The following WWC1 variants were observed in gnomAD, a reference collection of about 807,000 sequenced individuals.
WWC1 encodes WW and C2 domain containing 1, also known as protein KIBRA.
A neutral mutation model predicts 138.4 loss-of-function variants in WWC1; 55 were observed. The observed-to-expected ratio is 0.40, with a 90% CI of 0.32 to 0.50. WWC1 has a LOEUF of 0.50. WWC1 is among the 20% of genes least tolerant of loss of function. The probability of loss-of-function intolerance (pLI) is 0.72; values close to 1 mark genes in which losing one functional copy is unlikely to be tolerated. For synonymous variants in WWC1, 524 were observed against 564.9 expected, an observed-to-expected ratio of 0.93 and a Z score of 1.03; for missense variants, 1,226 against 1,420.4, an observed-to-expected ratio of 0.86 and a Z score of 2.20.
intron 9 of WWC1, among the ~76,000 whole-genome samples, chr5:168,421,146 C>G (rs556409693): frequency 1.4e-4 from 22 of 152,338 alleles, no homozygotes; most frequent in Non-Finnish European, 3.1e-4. Flanking sequence ...AACTCAGGCT[C>G]TTTCCATCTG....
intron 17 of WWC1, among the ~76,000 whole-genome samples, chr5:168,447,112 G>A (rs1336120665): frequency 2.6e-5 from 4 of 152,110 alleles, no homozygotes; most frequent in African/African-American, 7.2e-5. Context: ...CCGTCTCCTC[G>A]TCTGTGAAAT....
intron 1 of WWC1, among the ~76,000 whole-genome samples, chr5:168,322,755 T>C (rs1772218354): frequency 6.6e-6 from 1 of 152,210 alleles, no homozygotes; most frequent in Non-Finnish European, 1.5e-5. Flanking sequence ...TGCCACATTG[T>C]CATCAGGGAC....
intron 21 of WWC1, 156 bp from the exon 22 acceptor site, chr5:168,467,684 C>A: frequency 1.9e-6 from 2 of 1,075,724 alleles, no homozygotes; most frequent in Non-Finnish European, 1.3e-6. Flanking sequence ...ATGATTTGAG[C>A]ACTTCCCATT....
At chr5:168,465,423 C>T (rs1235077565) in intron 21 of WWC1, among the ~76,000 whole-genome samples, 2 of 151,514 alleles carry the variant, frequency 1.3e-5, no homozygotes, top group South Asian at 4.2e-4. Flanking sequence ...ACAAGGATGC[C>T]CTGGAGTACA....
chr5:168,397,704 T>C lies in WWC1; in HGVS notation c.434-20T>C, dbSNP rs1440395494. 1 of 1,613,494 alleles carries C rather than the reference T, an allele frequency of 6.2e-7. No homozygotes were observed. ...TCTGTTTCTTCTACTGATATTCTTG[T>C]TTTTCTTTTTTCCTTACAGTGGTCT... On this transcript the variant is annotated intron_variant, in intron 3 of 22. Coordinates refer to ENST00000265293, the MANE Select transcript of WWC1 (RefSeq NM_015238.3).
rs370464487 is a variant in WWC1 at position 168,294,419 on chromosome 5, C to CA, written c.119+2156dup. Among the ~76,000 whole-genome samples the CA allele has an allele frequency of 2.6e-3, 392 of 151,244 alleles. 2 individuals carry two copies. The highest frequency in any genetic ancestry group is 0.014 in the Middle Eastern group (4 of 290). On this transcript the variant is annotated intron_variant, in intron 1 of 22. Transcript: ENST00000265293. ...AGGGGAAACAAAAAAGATAGGCAAA[C>CA]AAAAAAAACAAAAAACCAGGGTTAG...
At chr5:168,399,390 G>T in intron 4 of WWC1, 98 bp from the exon 5 acceptor site, 2 of 1,240,110 alleles carry the variant, frequency 1.6e-6, no homozygotes, top group South Asian at 2.6e-5. Context: ...TTATGCAGGC[G>T]CAGTGGGAGG....
chr5:168,363,478 T>C (rs1419290814), intron 1 of WWC1, among the ~76,000 whole-genome samples: 1 of 122,170 alleles, frequency 8.2e-6, no homozygotes, highest in Non-Finnish European at 1.6e-5. Context: ...TGAGCTTAGA[T>C]CACGCCACTG....
At chr5:168,411,385 G>A (rs12188757) in intron 8 of WWC1, among the ~76,000 whole-genome samples, 1,588 of 152,318 alleles carry the variant, frequency 0.01, 13 homozygotes, top group Middle Eastern at 0.048. Context: ...AAGCATGGCA[G>A]TGCCCAGCTC....
rs191246281 is a variant in WWC1, at chr5:168,388,586, T to C, written c.433+3172T>C. ...GGCTCACACCTGTAATCCCAGCAAT[T>C]TGGGAGGCCGAGGTAGGTGGATCAA... On this transcript the variant is annotated intron_variant, in intron 3 of 22. Transcript: ENST00000265293. Among the ~76,000 whole-genome samples, 3 of 152,156 alleles carry C rather than the reference T, an allele frequency of 2.0e-5. No homozygotes were observed. The East Asian group carries it at 5.8e-4, about 29-fold the overall frequency.
chr5:168,390,701 G>A (rs1473592064), intron 3 of WWC1, among the ~76,000 whole-genome samples: 3 of 152,370 alleles, frequency 2.0e-5, no homozygotes, highest in Middle Eastern at 3.4e-3. Context: ...GCTTGCCAGG[G>A]CTTGTGAGGG....
At chr5:168,362,753 G>A (rs1293269552) in intron 1 of WWC1, among the ~76,000 whole-genome samples, 1 of 152,186 alleles carries the variant, frequency 6.6e-6, no homozygotes, top group African/African-American at 2.4e-5. Context: ...GACTCAAGAT[G>A]GAGGTGAAGG....
intron 13 of WWC1, among the ~76,000 whole-genome samples, chr5:168,428,997 T>C (rs184968160): frequency 2.6e-5 from 4 of 151,998 alleles, no homozygotes; most frequent in African/African-American, 9.7e-5. Flanking sequence ...AGAAATGAGG[T>C]TGGAGAAATG....
intron 3 of WWC1, among the ~76,000 whole-genome samples, chr5:168,394,342 T>G (rs564116009): frequency 1.3e-5 from 2 of 152,244 alleles, no homozygotes; most frequent in Non-Finnish European, 2.9e-5. Flanking sequence ...ACTGTTAAAC[T>G]GTGTTCATAT....
Position 168,292,042 on chromosome 5 carries a change from C to T in WWC1, c.-111C>T. On this transcript the variant is annotated 5_prime_UTR_variant, in exon 1 of 23. Transcript: ENST00000265293. This position sits in a 1 kb window ranked among gnomAD's most constrained non-coding sequence, Gnocchi z 4.4. ...GCCCCCCATCTGCGGGCGCCACCCC[C>T]CGGATCATGGTGCCTCGGCGGCCGC... The T allele has an allele frequency of 7.5e-7, 1 of 1,331,466 alleles. No individual in the cohort carries two copies. The highest frequency in any genetic ancestry group is 9.7e-7 in the Non-Finnish European group (1 of 1,034,296). The allele number at this position is 1,331,466 out of a possible 1,614,324, so 82.5% of individuals were successfully genotyped here. A position where few individuals can be genotyped will look rare whatever the true frequency, so the allele number is the denominator to read the frequency against.
intron 21 of WWC1, among the ~76,000 whole-genome samples, chr5:168,466,854 CTG>C (rs1232830009): frequency 1.3e-5 from 2 of 151,684 alleles, no homozygotes; most frequent in Non-Finnish European, 2.9e-5. Flanking sequence ...ATTCGAAAGA[CTG>C]AGAAGTAATA....
intron 1 of WWC1, among the ~76,000 whole-genome samples, chr5:168,366,138 AAATGGAC>A (rs1280744706): frequency 1.3e-5 from 2 of 152,210 alleles, no homozygotes; most frequent in Non-Finnish European, 2.9e-5. Context: ...TGGCTGGTTT[AAATGGAC>A]AATTCCTCTC....
At chr5:168,439,639 A>C (rs1038343290) in intron 15 of WWC1, among the ~76,000 whole-genome samples, 15 of 152,008 alleles carry the variant, frequency 9.9e-5, no homozygotes, top group African/African-American at 3.6e-4. Flanking sequence ...TCAAAAAAAA[A>C]AAAAAAAATC....
intron 20 of WWC1, 99 bp from the exon 21 acceptor site, chr5:168,464,630 A>T (rs1295218727): frequency 6.6e-7 from 1 of 1,514,862 alleles, no homozygotes; most frequent in African/African-American, 1.4e-5. Flanking sequence ...GAAGGAGTGG[A>T]TGCCTACAAG....
Sources: allele counts gnomAD v4.1 joint callset (sites outside exome capture counted in the v4.1 genomes callset), GRCh38; gene constraint gnomAD v4.1.1; non-coding constraint Gnocchi (gnomAD v3.1); transcripts MANE v1.5; gene names NCBI Gene and HGNC (gene_info 2026-07-23, HGNC 2026-07-21).